Variants in SRRD observed in about 807,000 individuals in gnomAD.
SRRD encodes SRR1 domain containing, also known as SRR1-like protein.
SRRD carries 28 observed loss-of-function variants against 30.7 expected under a neutral mutation model. The observed-to-expected ratio is 0.91, with a 90% CI of 0.68 to 1.25. The LOEUF is 1.25. Ranked by LOEUF, SRRD falls within the 50% of genes most tolerant of loss-of-function variation. The probability of loss-of-function intolerance (pLI) is 0.00; values close to 1 mark genes in which losing one functional copy is unlikely to be tolerated. For synonymous variants in SRRD, 161 were observed against 159.6 expected (o/e 1.01, Z -0.07); for missense variants, 415 against 417.3 (o/e 0.99, Z 0.05).
Position 26,486,020 on chromosome 22 carries a change from C to A in SRRD, c.210-3C>A, listed in dbSNP as rs779466394. On this transcript the variant is annotated splice_region_variant and splice_polypyrimidine_tract_variant and intron_variant, in intron 1 of 6. Transcript: ENST00000215917. ...ATGACTGTGCCATTTTTTTTCTCAA[C>A]AGGAAGGACCTGTTTATCTCTGATT... The A allele has an allele frequency of 1.2e-6, 2 of 1,614,098 alleles. No individual in the cohort carries two copies. Among genetic ancestry groups the A allele is most frequent in the Admixed American group, 1.7e-5 (1 of 60,016 alleles).
At position 26,491,015 on chromosome 22, in the gene SRRD, T is replaced by C. The variant is rs372436983; in HGVS notation, c.765-10T>C. The C allele has an allele frequency of 1.9e-6, 3 of 1,609,112 alleles. No individual in the cohort carries two copies. Among genetic ancestry groups the C allele is most frequent in the Non-Finnish European group, 2.5e-6 (3 of 1,178,616 alleles). On this transcript the variant is annotated splice_polypyrimidine_tract_variant and intron_variant, in intron 5 of 6. Coordinates refer to ENST00000215917, the MANE Select transcript of SRRD (RefSeq NM_001013694.3). ...TTTTTTTTGTTTTTTTGGTTTTTTT[T>C]AATTTCTAGGTTGTTGGCAAGGATT...
chr22:26,487,141 G>A (rs550363220), intron 2 of SRRD, among the ~76,000 whole-genome samples: 3 of 151,960 alleles, frequency 2.0e-5, no homozygotes, highest in East Asian at 2.0e-4. Flanking sequence ...GACTGGTCTC[G>A]AACTCCTGAC....
chr22:26,488,142 G>A lies in SRRD; in HGVS notation c.364G>A (p.Val122Met). 3 of 1,614,242 alleles carry A rather than the reference G, an allele frequency of 1.9e-6. No homozygotes were observed. The highest frequency in any genetic ancestry group is 1.1e-5 in the South Asian group (1 of 91,092). ...HLDSLPEESD[V>M]ATDSIPREIL... ...TGACTCATTGCCAGAGGAGTCAGAT[G>A]TGGCCACTGATTCTATCCCAAGAGA... The change falls in exon 3 of 7, where the codon GTG becomes ATG. Residue 122 changes from valine (V) to methionine (M), a missense_variant. By Grantham distance (21) the Val-to-Met change is conservative (BLOSUM62 1). Coordinates refer to ENST00000215917, the MANE Select transcript of SRRD (RefSeq NM_001013694.3).
chr22:26,492,463 T>C lies in SRRD; in HGVS notation c.*791T>C. On this transcript the variant is annotated 3_prime_UTR_variant, in exon 7 of 7. Transcript: ENST00000215917. Reference sequence around the variant, plus strand: ...GGCCCAGGTCTTGGGTGTGCCAGAGTGCTTGTGACTCACTGAAGGGCAGCT... The same window carrying C: ...GGCCCAGGTCTTGGGTGTGCCAGAGCGCTTGTGACTCACTGAAGGGCAGCT... 2 of 1,134,554 alleles carry C rather than the reference T, an allele frequency of 1.8e-6. No homozygotes were observed. The highest frequency in any genetic ancestry group is 2.6e-6 in the Non-Finnish European group (2 of 778,508). The allele number at this position is 1,134,554 out of a possible 1,614,324, so 70.3% of individuals were successfully genotyped here.
rs1921426725 is a variant in SRRD, at chr22:26,493,079, T to A, written c.*1407T>A. 1 of 151,680 alleles carries A rather than the reference T, an allele frequency of 6.6e-6. No individual in the cohort carries two copies. The highest frequency in any genetic ancestry group is 2.1e-4 in the South Asian group (1 of 4,810). The allele number at this position is 151,680 out of a possible 1,614,324, so 9.4% of individuals were successfully genotyped here. A position where few individuals can be genotyped will look rare whatever the true frequency, so the allele number is the denominator to read the frequency against. Reference sequence around the variant, plus strand: ...CTCGCTCTTGTCACCTAGGCTGGAGTGCAGTGCTTGCAATCTCGGCTCACT... The same window carrying A: ...CTCGCTCTTGTCACCTAGGCTGGAGAGCAGTGCTTGCAATCTCGGCTCACT... On this transcript the variant is annotated 3_prime_UTR_variant, in exon 7 of 7. Coordinates refer to ENST00000215917, the MANE Select transcript of SRRD (RefSeq NM_001013694.3).
Position 26,492,435 on chromosome 22 carries a change from C to A in SRRD, c.*763C>A, listed in dbSNP as rs1191248508. 1.8e-5 allele frequency: 27 copies of A among 1,484,666 alleles called. No homozygotes were observed. Among genetic ancestry groups the A allele is most frequent in the Non-Finnish European group, 2.5e-5 (27 of 1,076,614 alleles). The allele number at this position is 1,484,666 out of a possible 1,614,324, so 92.0% of individuals were successfully genotyped here. The stretch of plus-strand genomic sequence containing the variant: ...AGGTGTATGGAAGTTGACACTGTGG[C>A]TTGGCCCAGGTCTTGGGTGTGCCAG... On this transcript the variant is annotated 3_prime_UTR_variant, in exon 7 of 7. Coordinates refer to ENST00000215917, the MANE Select transcript of SRRD (RefSeq NM_001013694.3).
Position 26,493,873 on chromosome 22 carries a change from T to C in SRRD, c.*2201T>C. On this transcript the variant is annotated 3_prime_UTR_variant, in exon 7 of 7. Transcript: ENST00000215917. ...GCACAGTGGTTAAGAGGGCGGGGCC[T>C]GGGGTTAGACTGACATCATCTGAAT... 2.3e-6 allele frequency: 1 copy of C among 438,944 alleles called. No homozygotes were observed. The highest frequency in any genetic ancestry group is 2.2e-5 in the South Asian group (1 of 44,616). The allele number at this position is 438,944 out of a possible 1,614,324, so 27.2% of individuals were successfully genotyped here.
At position 26,491,562 on chromosome 22, in the gene SRRD, G is replaced by T. The variant is rs745348334; in HGVS notation, c.910G>T (p.Glu304Ter). The T allele has an allele frequency of 1.2e-6, 2 of 1,614,020 alleles. No homozygotes were observed. Among genetic ancestry groups the T allele is most frequent in the Admixed American group, 1.7e-5 (1 of 60,008 alleles). The change falls in exon 7 of 7, where the codon GAA (glutamate) becomes TAA (stop). Residue 304 changes from glutamate to a stop codon, truncating the protein, a stop_gained. Coordinates refer to ENST00000215917, the MANE Select transcript of SRRD (RefSeq NM_001013694.3). LOFTEE classifies it low-confidence loss of function (END_TRUNC). Reference protein sequence around the residue: ...SVHWFPVQKLEQLSIDIWEFR... With the variant: ...SVHWFPVQKL ...CCACTGGTTCCCTGTGCAAAAGCTA[G>T]AACAGCTCTCCATAGATATTTGGGA...
chr22:26,488,319 C>T (rs776319589), intron 3 of SRRD, 31 bp downstream of exon 3: 2 of 1,612,922 alleles, frequency 1.2e-6, no homozygotes, highest in East Asian at 2.2e-5. Flanking sequence ...TCATCTCCTC[C>T]TCCTCTGGTC....
intron 2 of SRRD, among the ~76,000 whole-genome samples, chr22:26,487,808 A>C (rs1279435344): frequency 6.6e-6 from 1 of 152,180 alleles, no homozygotes; most frequent in East Asian, 1.9e-4. Flanking sequence ...GGGTTTTGGG[A>C]GTCCAGGGGC....
At chr22:26,486,256 T>G (rs752990750) in intron 2 of SRRD, among the ~76,000 whole-genome samples, 193 bp downstream of exon 2, 1 of 152,220 alleles carries the variant, frequency 6.6e-6, no homozygotes, top group East Asian at 1.9e-4. Flanking sequence ...AATGTGTATA[T>G]CCTATAGTTT....
chr22:26,486,211 C>A, intron 2 of SRRD, 148 bp downstream of exon 2: 1 of 805,884 alleles, frequency 1.2e-6, no homozygotes, highest in Non-Finnish European at 2.0e-6. Context: ...GCACTTAATT[C>A]TGATCCTCAG....
chr22:26,485,893 C>T (rs2147106564), intron 1 of SRRD, 130 bp from the exon 2 acceptor site: 1 of 1,016,940 alleles, frequency 9.8e-7, no homozygotes, highest in South Asian at 1.4e-5. Flanking sequence ...CCTCCTATCA[C>T]TTGGTAAGGG....
rs757223429 is a variant in SRRD at position 26,492,237 on chromosome 22, C to T, written c.*565C>T. On this transcript the variant is annotated 3_prime_UTR_variant, in exon 7 of 7. Transcript: ENST00000215917. ...TTCATGGGCACAGAGCTAGCGGCCACGCCAATGCCCCTCTGAGCCATGTTC... is the reference window on the plus strand; with the variant it reads ...TTCATGGGCACAGAGCTAGCGGCCATGCCAATGCCCCTCTGAGCCATGTTC... 18 of 1,614,110 alleles carry T rather than the reference C, an allele frequency of 1.1e-5. No homozygotes were observed. Among genetic ancestry groups the T allele is most frequent in the South Asian group, 6.6e-5 (6 of 91,088 alleles).
chr22:26,492,584 G>A lies in SRRD; in HGVS notation c.*912G>A. The A allele has an allele frequency of 1.8e-6, 1 of 563,256 alleles. No individual in the cohort carries two copies. Among genetic ancestry groups the A allele is most frequent in the Non-Finnish European group, 3.2e-6 (1 of 314,644 alleles). The allele number at this position is 563,256 out of a possible 1,614,324, so 34.9% of individuals were successfully genotyped here. A position where few individuals can be genotyped will look rare whatever the true frequency, so the allele number is the denominator to read the frequency against. On this transcript the variant is annotated 3_prime_UTR_variant, in exon 7 of 7. Coordinates refer to ENST00000215917, the MANE Select transcript of SRRD (RefSeq NM_001013694.3). ...GTTCCTGGCTAGTATCTAGTAACCA[G>A]ATTATTAATATTCAACATTTTAAAA...
Position 26,492,199 on chromosome 22 carries a change from G to T in SRRD, c.*527G>T, listed in dbSNP as rs771163665. ...TGTGCTCCTCAGCCTTGGTCTCAAT[G>T]AGGTCCTTAAAGTTCATGGGCACAG... On this transcript the variant is annotated 3_prime_UTR_variant, in exon 7 of 7. Transcript: ENST00000215917. 1 of 1,614,218 alleles carries T rather than the reference G, an allele frequency of 6.2e-7. No homozygotes were observed. The highest frequency in any genetic ancestry group is 1.7e-5 in the Admixed American group (1 of 60,028).
chr22:26,493,465 T>C lies in SRRD; in HGVS notation c.*1793T>C, dbSNP rs1407924654. 1 of 152,410 alleles carries C rather than the reference T, an allele frequency of 6.6e-6. No homozygotes were observed. Among genetic ancestry groups the C allele is most frequent in the African/African-American group, 2.4e-5 (1 of 41,468 alleles). The allele number at this position is 152,410 out of a possible 1,614,324, so 9.4% of individuals were successfully genotyped here. A position where few individuals can be genotyped will look rare whatever the true frequency, so the allele number is the denominator to read the frequency against. On this transcript the variant is annotated 3_prime_UTR_variant, in exon 7 of 7. Transcript: ENST00000215917. Reference sequence around the variant, plus strand: ...AAAACACAGACTAGACGATCCCATTTCAATGCTGCGAATCGGCTAATGAGC... The same window carrying C: ...AAAACACAGACTAGACGATCCCATTCCAATGCTGCGAATCGGCTAATGAGC...
rs1347919184 is a variant in SRRD, at chr22:26,494,155, C to T, written c.*2483C>T. Reference sequence around the variant, plus strand: ...CTCACTTACCAACGTTGGAGGACACCGCCCGGTTCATGATATCAAGTGCCT... The same window carrying T: ...CTCACTTACCAACGTTGGAGGACACTGCCCGGTTCATGATATCAAGTGCCT... On this transcript the variant is annotated 3_prime_UTR_variant, in exon 7 of 7. Transcript: ENST00000215917. 1.8e-5 allele frequency: 29 copies of T among 1,613,950 alleles called. No individual in the cohort carries two copies. The highest frequency in any genetic ancestry group is 3.3e-5 in the Admixed American group (2 of 60,002).
chr22:26,492,349 T>C lies in SRRD; in HGVS notation c.*677T>C. 1 of 1,614,108 alleles carries C rather than the reference T, an allele frequency of 6.2e-7. No individual in the cohort carries two copies. The highest frequency in any genetic ancestry group is 1.1e-5 in the South Asian group (1 of 91,080). On this transcript the variant is annotated 3_prime_UTR_variant, in exon 7 of 7. Coordinates refer to ENST00000215917, the MANE Select transcript of SRRD (RefSeq NM_001013694.3). The stretch of plus-strand genomic sequence containing the variant: ...TGAGATAGGCAATGTTCTCCCGTGC[T>C]CCTGGCTGCATGTAGGCACCTAAGA...
Sources: gnomAD v4.1 joint callset for allele counts (sites outside exome capture counted in the v4.1 genomes callset) on GRCh38, gnomAD v4.1.1 for gene constraint, MANE v1.5 for transcripts, NCBI Gene and HGNC (gene_info 2026-07-23, HGNC 2026-07-21) for gene names.